Variants in SLC25A12 observed in about 807,000 individuals in gnomAD.
SLC25A12 encodes electrogenic aspartate/glutamate antiporter SLC25A12, mitochondrial.
Under a neutral mutation model 83.3 loss-of-function variants are expected in SLC25A12, and 32 were observed. That is an observed-to-expected ratio of 0.38 (90% CI 0.29 to 0.52). The LOEUF (loss-of-function observed/expected upper bound fraction) is 0.52. Ranked by LOEUF, SLC25A12 falls within the 20% of genes least tolerant of loss-of-function variation. SLC25A12 has a pLI of 0.84. For synonymous variants in SLC25A12, 267 were observed against 291.1 expected, an observed-to-expected ratio of 0.92 and a Z score of 0.84; for missense variants, 611 against 835.6, an observed-to-expected ratio of 0.73 and a Z score of 3.31.
chr2:171,873,814 G>A (rs1039523177), intron 2 of SLC25A12, among the ~76,000 whole-genome samples: 1 of 151,978 alleles, frequency 6.6e-6, no homozygotes, highest in Non-Finnish European at 1.5e-5. Context: ...ATAAATGATA[G>A]CATACTATTT....
chr2:171,866,703 A>C, intron 3 of SLC25A12, among the ~76,000 whole-genome samples: 1 of 105,902 alleles, frequency 9.4e-6, no homozygotes, highest in African/African-American at 3.8e-5. Context: ...ACTTCCCAGT[A>C]GGGGCAGCCG....
intron 13 of SLC25A12, among the ~76,000 whole-genome samples, chr2:171,803,813 A>ACC (rs1683763868): frequency 1.3e-5 from 1 of 74,458 alleles, no homozygotes; most frequent in Non-Finnish European, 2.9e-5. Flanking sequence ...AAAAAAATAC[A>ACC]CACACACACA....
chr2:171,876,531 G>GTT (rs749154864), intron 2 of SLC25A12, among the ~76,000 whole-genome samples: 36 of 71,544 alleles, frequency 5.0e-4, no homozygotes, highest in Admixed American at 1.9e-3. Flanking sequence ...AGGGGTTTGG[G>GTT]TTTTTTTTTT....
At chr2:171,794,929 GC>G (rs1683570105) in intron 13 of SLC25A12, among the ~76,000 whole-genome samples, 1 of 152,022 alleles carries the variant, frequency 6.6e-6, no homozygotes, top group Non-Finnish European at 1.5e-5. Context: ...CTCAACCTTT[GC>G]CCACATTCCT....
intron 6 of SLC25A12, among the ~76,000 whole-genome samples, chr2:171,836,221 C>A (rs1217678013): frequency 1.3e-5 from 2 of 152,078 alleles, no homozygotes; most frequent in Admixed American, 6.6e-5. Flanking sequence ...TTCAGATTCA[C>A]TGAAGAAAAA....
Position 171,815,160 on chromosome 2 carries a change from C to T in SLC25A12, c.973G>A (p.Glu325Lys), listed in dbSNP as rs1485259742. 5.0e-6 allele frequency: 8 copies of T among 1,613,584 alleles called. No homozygotes were observed. Among genetic ancestry groups the T allele is most frequent in the Admixed American group, 1.7e-5 (1 of 59,960 alleles). ...LGRPIWLQIA[E>K]SAYRFTLGSV... ...CCCAGAGTGAATCTGTAAGCAGACT[C>T]GGCAATCTGGAGCCAGATAGGCCTG... Residue 325 changes from glutamate (E) to lysine (K), a missense_variant, in exon 10 of 18, where the codon GAG becomes AAG. Coordinates refer to ENST00000422440, the MANE Select transcript of SLC25A12 (RefSeq NM_003705.5).
At chr2:171,827,389 C>A (rs2105879274) in intron 8 of SLC25A12, among the ~76,000 whole-genome samples, 1 of 152,122 alleles carries the variant, frequency 6.6e-6, no homozygotes, top group Admixed American at 6.5e-5. Context: ...TGGAGACAGG[C>A]AGCCTTCACT....
chr2:171,830,299 C>T (rs765022419), intron 8 of SLC25A12, among the ~76,000 whole-genome samples: 10 of 152,090 alleles, frequency 6.6e-5, no homozygotes, highest in Non-Finnish European at 1.3e-4. Flanking sequence ...TTATGTTTAA[C>T]GTTACAAGCA....
intron 17 of SLC25A12, among the ~76,000 whole-genome samples, chr2:171,786,021 CAT>C (rs1197993782): frequency 2.0e-5 from 3 of 151,920 alleles, no homozygotes; most frequent in Non-Finnish European, 4.4e-5. Flanking sequence ...TTTCTTTTGA[CAT>C]AACTTTAGAA....
chr2:171,789,809 G>A (rs947914125), intron 15 of SLC25A12, among the ~76,000 whole-genome samples: 9 of 151,968 alleles, frequency 5.9e-5, no homozygotes, highest in East Asian at 1.9e-4. Flanking sequence ...CAGGAGAATC[G>A]CTTGAACCCG....
chr2:171,799,971 G>A (rs1013923011), intron 13 of SLC25A12, among the ~76,000 whole-genome samples: 1 of 152,068 alleles, frequency 6.6e-6, no homozygotes, highest in African/African-American at 2.4e-5. Flanking sequence ...TCTCTGATTC[G>A]AGTTTAACAA....
chr2:171,844,384 G>A lies in SLC25A12; in HGVS notation c.450C>T (p.Phe150=), dbSNP rs1684748358. ...NRKKHLNYTE[F]TQFLQELQLE... is the part of the protein sequence containing the mutation. ...CTAAGCTCACCTGGAGAAACTGCGTGAATTCTGTGTAGTTAAGATGCTTCT... is the reference window on the plus strand; with the variant it reads ...CTAAGCTCACCTGGAGAAACTGCGTAAATTCTGTGTAGTTAAGATGCTTCT... The change falls in exon 5 of 18, where the codon TTC becomes TTT. Residue 150 remains phenylalanine (F), a synonymous_variant. Transcript: ENST00000422440. 1.2e-6 allele frequency: 2 copies of A among 1,614,002 alleles called. No individual in the cohort carries two copies. The highest frequency in any genetic ancestry group is 4.5e-5 in the East Asian group (2 of 44,832).
rs1180537050 is a variant in SLC25A12 at position 171,862,585 on chromosome 2, G to C, written c.209+6096C>G. On this transcript the variant is annotated intron_variant, in intron 3 of 17. Coordinates refer to ENST00000422440, the MANE Select transcript of SLC25A12 (RefSeq NM_003705.5). ...AACAGTTAACATCCCGGAAAACATG[G>C]GGGAAGGATTGCAGAGCACAAAAGA... Among the ~76,000 whole-genome samples the C allele has an allele frequency of 2.6e-5, 4 of 152,142 alleles. No homozygotes were observed. In the South Asian group the frequency reaches 6.2e-4, roughly 24 times the overall value.
rs1227248369 is a variant in SLC25A12 at position 171,855,688 on chromosome 2, A to G, written c.325+146T>C. ...TTTAATGCTTTGAAAAAATAAAGCC[A>G]TCATTATCTGCATAAATCCTTTTAG... is the stretch of plus-strand genomic sequence containing the variant. On this transcript the variant is annotated intron_variant, in intron 4 of 17. Coordinates refer to ENST00000422440, the MANE Select transcript of SLC25A12 (RefSeq NM_003705.5). The G allele has an allele frequency of 1.9e-5, 13 of 692,440 alleles. No homozygotes were observed. In the Admixed American group the frequency reaches 2.7e-4, roughly 15 times the overall value. 42.9% of individuals were successfully genotyped at this position (692,440 alleles called of 1,614,324 possible).
At chr2:171,808,314 AATAATC>A (rs1392491533) in intron 13 of SLC25A12, among the ~76,000 whole-genome samples, 2,143 of 140,912 alleles carry the variant, frequency 0.015, 1,025 homozygotes, top group Middle Eastern at 0.032. Flanking sequence ...ATTGTTTGCC[AATAATC>A]ATGTCATGCT....
At chr2:171,865,266 C>T (rs1280392767) in intron 3 of SLC25A12, among the ~76,000 whole-genome samples, 4 of 151,608 alleles carry the variant, frequency 2.6e-5, no homozygotes, top group African/African-American at 4.8e-5. Context: ...AATATTTTTT[C>T]GAAAAAAAGA....
rs886839724 is a variant in SLC25A12, at chr2:171,867,512, A to C, written c.209+1169T>G. On this transcript the variant is annotated intron_variant, in intron 3 of 17. Coordinates refer to ENST00000422440, the MANE Select transcript of SLC25A12 (RefSeq NM_003705.5). ...GTCAGGTGTGGCGGCGTGCGCCTGCAATCGCAGGCTGAGGCAGGAGAATCA... is the reference window on the plus strand; with the variant it reads ...GTCAGGTGTGGCGGCGTGCGCCTGCCATCGCAGGCTGAGGCAGGAGAATCA... Among the ~76,000 whole-genome samples, 12 of 150,788 alleles carry C rather than the reference A, an allele frequency of 8.0e-5. No homozygotes were observed. The South Asian group carries it at 2.5e-3, about 31-fold the overall frequency.
At chr2:171,807,655 T>C (rs1259553303) in intron 13 of SLC25A12, among the ~76,000 whole-genome samples, 1 of 152,220 alleles carries the variant, frequency 6.6e-6, no homozygotes, top group African/African-American at 2.4e-5. Flanking sequence ...ATATTTATGA[T>C]TGGCAAAGGT....
chr2:171,869,243 G>A (rs1685407299), intron 2 of SLC25A12, among the ~76,000 whole-genome samples: 1 of 152,094 alleles, frequency 6.6e-6, no homozygotes, highest in South Asian at 2.1e-4. Flanking sequence ...AAATGTTCTG[G>A]AATTAGATAG....
Sources: gnomAD v4.1 joint callset for allele counts (sites outside exome capture counted in the v4.1 genomes callset) on GRCh38, gnomAD v4.1.1 for gene constraint, MANE v1.5 for transcripts, NCBI Gene and HGNC (gene_info 2026-07-23, HGNC 2026-07-21) for gene names.